PACSIN2: variants seen among roughly 807,000 people sequenced by gnomAD.
PACSIN2 encodes protein kinase C and casein kinase substrate in neurons 2, also known as protein kinase C and casein kinase substrate in neurons protein 2.
Under a neutral mutation model 63.8 loss-of-function variants are expected in PACSIN2, and 25 were observed. That is an observed-to-expected ratio of 0.39 (90% CI 0.29 to 0.55). The LOEUF is 0.55. PACSIN2 is among the 20% of genes least tolerant of loss of function. PACSIN2 has a pLI of 0.62. For synonymous variants in PACSIN2, 255 were observed against 256.2 expected (o/e 1.00, Z 0.05); for missense variants, 518 against 646.9 (o/e 0.80, Z 2.16).
At chr22:42,876,450 G>C (rs569859919) in intron 9 of PACSIN2, 117 bp from the exon 10 acceptor site, 3 of 792,962 alleles carry the variant, frequency 3.8e-6, no homozygotes, top group African/African-American at 1.7e-5. Flanking sequence ...GGCTCCTTCC[G>C]AAGGAGCACA....
intron 1 of PACSIN2, among the ~76,000 whole-genome samples, chr22:43,012,643 C>T (rs76186606): frequency 6.6e-4 from 101 of 151,898 alleles, no homozygotes; most frequent in African/African-American, 2.2e-3. Context: ...TGCACCACTA[C>T]GCCAGACTAA....
chr22:43,005,780 C>T (rs367639439), intron 1 of PACSIN2, among the ~76,000 whole-genome samples: 13 of 152,198 alleles, frequency 8.5e-5, no homozygotes, highest in African/African-American at 2.4e-4. Flanking sequence ...CATGCTGCCC[C>T]GCCAAAATCC....
chr22:42,887,081 C>T (rs1386258108), intron 5 of PACSIN2, among the ~76,000 whole-genome samples: 1 of 152,216 alleles, frequency 6.6e-6, no homozygotes, highest in Non-Finnish European at 1.5e-5. Context: ...TCTCCCGGAC[C>T]TTGTGCTTCT....
At chr22:42,976,419 A>C (rs930194399) in intron 1 of PACSIN2, among the ~76,000 whole-genome samples, 1 of 152,150 alleles carries the variant, frequency 6.6e-6, no homozygotes. Flanking sequence ...CAGGCGACAG[A>C]CTGGCTCCTC....
chr22:42,874,633 G>A (rs1023211087), intron 10 of PACSIN2, among the ~76,000 whole-genome samples: 2 of 152,172 alleles, frequency 1.3e-5, no homozygotes, highest in Admixed American at 1.3e-4. Flanking sequence ...GGCAGTTGGG[G>A]ACCCCTAGAG....
intron 1 of PACSIN2, among the ~76,000 whole-genome samples, chr22:42,980,996 G>T (rs1267351354): frequency 7.5e-6 from 1 of 133,594 alleles, no homozygotes; most frequent in Non-Finnish European, 1.6e-5. Flanking sequence ...TCTGGAAAGT[G>T]AGGAGCGTCT....
In PACSIN2 at chr22:42,912,110, A is replaced by G. The variant is rs537373535; in HGVS notation, c.-30T>C. ...TCAAAGGCTGAGGGAGCAGCAAAGT[A>G]TACTTAGTCAGGGGTCAACTTCGAA... On this transcript the variant is annotated 5_prime_UTR_variant, in exon 2 of 11. Coordinates refer to ENST00000263246, the MANE Select transcript of PACSIN2 (RefSeq NM_001184970.3). 4.5e-5 allele frequency: 69 copies of G among 1,545,502 alleles called. No homozygotes were observed. The South Asian group carries it at 7.6e-4, about 17-fold the overall frequency.
At chr22:42,911,641 G>T (rs1931466518) in intron 2 of PACSIN2, among the ~76,000 whole-genome samples, 1 of 152,158 alleles carries the variant, frequency 6.6e-6, no homozygotes, top group South Asian at 2.1e-4. Context: ...AGCCCTCCTT[G>T]TTTCTACATA....
intron 1 of PACSIN2, among the ~76,000 whole-genome samples, chr22:42,948,526 T>C (rs555699487): frequency 5.3e-5 from 8 of 152,276 alleles, no homozygotes; most frequent in African/African-American, 1.4e-4. Context: ...TAGTCCCAGA[T>C]ACTTGGGAAG....
chr22:42,925,078 C>T (rs1932452200), intron 1 of PACSIN2, among the ~76,000 whole-genome samples: 1 of 152,006 alleles, frequency 6.6e-6, no homozygotes, highest in Non-Finnish European at 1.5e-5. Context: ...CCCCAGCCCC[C>T]TCAGACCCCC....
intron 1 of PACSIN2, among the ~76,000 whole-genome samples, chr22:42,935,046 G>A (rs983526407): frequency 8.6e-5 from 13 of 151,398 alleles, no homozygotes; most frequent in South Asian, 6.3e-4. Flanking sequence ...CTCCTGAGTA[G>A]CTAGGACTAC....
At chr22:42,996,897 T>C (rs978935429) in intron 1 of PACSIN2, among the ~76,000 whole-genome samples, 1 of 152,210 alleles carries the variant, frequency 6.6e-6, no homozygotes. Context: ...AAAGTTGTCA[T>C]GAGAATAAGT....
At chr22:42,875,057 A>G (rs1216624779) in intron 10 of PACSIN2, among the ~76,000 whole-genome samples, 3 of 151,358 alleles carry the variant, frequency 2.0e-5, no homozygotes, top group African/African-American at 7.3e-5. Flanking sequence ...TCACACTCTT[A>G]GCCAGGATGG....
In PACSIN2 at chr22:42,884,457, C is replaced by T; in HGVS notation, c.714G>A (p.Glu238=). 2 of 1,614,234 alleles carry T rather than the reference C, an allele frequency of 1.2e-6. No individual in the cohort carries two copies. Among genetic ancestry groups the T allele is most frequent in the Non-Finnish European group, 1.7e-6 (2 of 1,180,024 alleles). ...CCTCCCGGAAGAAGCGAAGGCGTTTCTCCTCGAACTGCTGGCACTGCTCAA... is the reference window on the plus strand; with the variant it reads ...CCTCCCGGAAGAAGCGAAGGCGTTTTTCCTCGAACTGCTGGCACTGCTCAA... ...QVFEQCQQFE[E]KRLRFFREVL... Residue 238 remains glutamate (E), a synonymous_variant, in exon 6 of 11, where the codon GAG becomes GAA. Coordinates refer to ENST00000263246, the MANE Select transcript of PACSIN2 (RefSeq NM_001184970.3).
intron 2 of PACSIN2, among the ~76,000 whole-genome samples, chr22:42,899,179 CGCACAGCAG>C (rs1385479225): frequency 6.6e-6 from 1 of 152,216 alleles, no homozygotes; most frequent in Non-Finnish European, 1.5e-5. Context: ...CAGGGTCTAC[CGCACAGCAG>C]GCACCCCATA....
At chr22:42,898,723 T>TG (rs1930468297) in intron 2 of PACSIN2, among the ~76,000 whole-genome samples, 1 of 152,090 alleles carries the variant, frequency 6.6e-6, no homozygotes, top group Admixed American at 6.6e-5. Context: ...CCCTGCCGCC[T>TG]GCCCTCCTCC....
chr22:42,944,729 T>A, intron 1 of PACSIN2, among the ~76,000 whole-genome samples: 1 of 152,218 alleles, frequency 6.6e-6, no homozygotes, highest in East Asian at 1.9e-4. Flanking sequence ...GCAGGTGAGC[T>A]ATTTTCCATC....
chr22:42,973,768 C>G lies in PACSIN2; in HGVS notation c.-78+41253G>C, dbSNP rs1370352807. 3.3e-5 allele frequency among the ~76,000 whole-genome samples: 5 copies of G among 152,354 alleles called. No individual in the cohort carries two copies. In the East Asian group the frequency reaches 7.7e-4, roughly 24 times the overall value. ...TAGGCCTGGGCCCATCCTCCACTCC[C>G]GTCTCCATCATCCCTCATTGCCCTT... On this transcript the variant is annotated intron_variant, in intron 1 of 10. Coordinates refer to ENST00000263246, the MANE Select transcript of PACSIN2 (RefSeq NM_001184970.3).
chr22:42,924,039 C>T (rs1346728428), intron 1 of PACSIN2, among the ~76,000 whole-genome samples: 5 of 148,214 alleles, frequency 3.4e-5, no homozygotes, highest in Admixed American at 3.4e-4. Flanking sequence ...GAGACCTGGT[C>T]TCTTTAAAAA....
Sources: allele counts gnomAD v4.1 joint callset (sites outside exome capture counted in the v4.1 genomes callset), GRCh38; gene constraint gnomAD v4.1.1; transcripts MANE v1.5; gene names NCBI Gene and HGNC (gene_info 2026-07-23, HGNC 2026-07-21).